The following FAM228B variants were observed in gnomAD, a reference collection of about 807,000 sequenced individuals.
FAM228B encodes the protein protein FAM228B.
FAM228B carries 38 observed loss-of-function variants against 42.6 expected under a neutral mutation model. The observed-to-expected ratio is 0.89, with a 90% CI of 0.69 to 1.17. FAM228B has a LOEUF of 1.17. Ranked by LOEUF, FAM228B falls within the 50% of genes most tolerant of loss-of-function variation. FAM228B has a pLI of 0.00. For missense variants in FAM228B, 344 were observed against 367.3 expected, an observed-to-expected ratio of 0.94 and a Z score of 0.52; for synonymous variants, 109 against 122.3, an observed-to-expected ratio of 0.89 and a Z score of 0.72.
upstream of FAM228B, chr2:24,121,245 T>C: frequency 6.2e-7 from 1 of 1,614,220 alleles, no homozygotes; most frequent in South Asian, 1.1e-5. Flanking sequence ...TCTTCGGGCT[T>C]GCAAAGGGTT....
chr2:24,158,848 AAGC>A (rs1667223066), intron 7 of FAM228B, among the ~76,000 whole-genome samples: 1 of 152,180 alleles, frequency 6.6e-6, no homozygotes, highest in South Asian at 2.1e-4. Context: ...TGCCATAACA[AAGC>A]ACTGCAAACT....
chr2:24,154,346 G>T (rs1187857337), intron 7 of FAM228B, among the ~76,000 whole-genome samples: 3 of 151,838 alleles, frequency 2.0e-5, no homozygotes, highest in Non-Finnish European at 2.9e-5. Flanking sequence ...ATGTTTTTTT[G>T]CCATCTGTCT....
intron 3 of FAM228B, among the ~76,000 whole-genome samples, chr2:24,109,171 C>CA (rs70944716): frequency 0.21 from 19,793 of 95,730 alleles, 1,777 homozygotes; most frequent in Non-Finnish European, 0.26. Context: ...AGAGTAATGG[C>CA]AAAAAAAAAA....
intron 8 of FAM228B, among the ~76,000 whole-genome samples, chr2:24,162,457 C>T (rs909256327): frequency 6.6e-6 from 1 of 152,188 alleles, no homozygotes; most frequent in Non-Finnish European, 1.5e-5. Flanking sequence ...CGTGCTGCCC[C>T]TCAGATATTG....
At chr2:24,160,773 C>T (rs1667267073) in intron 7 of FAM228B, among the ~76,000 whole-genome samples, 1 of 152,184 alleles carries the variant, frequency 6.6e-6, no homozygotes, top group Admixed American at 6.5e-5. Context: ...CCAATCAACC[C>T]TTGCATGGGT....
chr2:24,111,703 G>C (rs929745278), intron 3 of FAM228B, among the ~76,000 whole-genome samples: 1 of 152,080 alleles, frequency 6.6e-6, no homozygotes, highest in Non-Finnish European at 1.5e-5. Flanking sequence ...GGAATTTAAA[G>C]AGTAACCTGC....
chr2:24,118,590 G>A (rs1486059149), upstream of FAM228B, among the ~76,000 whole-genome samples: 2 of 152,166 alleles, frequency 1.3e-5, no homozygotes, highest in African/African-American at 4.8e-5. Context: ...AATCATAAAG[G>A]TATGCATAAA....
intron 3 of FAM228B, among the ~76,000 whole-genome samples, chr2:24,113,301 A>G (rs960747222): frequency 1.3e-5 from 2 of 152,192 alleles, no homozygotes; most frequent in African/African-American, 4.8e-5. Flanking sequence ...GGCCAGATGC[A>G]GTGTCTCGCT....
intron 10 of FAM228B, among the ~76,000 whole-genome samples, chr2:24,168,936 G>T (rs1370972908): frequency 2.0e-5 from 3 of 152,206 alleles, no homozygotes; most frequent in Admixed American, 2.0e-4. Context: ...TCTCAAGTGA[G>T]ATCATCAGCT....
intron 3 of FAM228B, among the ~76,000 whole-genome samples, chr2:24,137,513 G>A (rs886190431): frequency 6.6e-6 from 1 of 152,082 alleles, no homozygotes; most frequent in African/African-American, 2.4e-5. Flanking sequence ...GTTTCTTAGG[G>A]ATGGGTTTTC....
At chr2:24,123,195 G>A (rs1253112844), upstream of FAM228B, 1 of 152,394 alleles carries the variant, frequency 6.6e-6, no homozygotes, top group Non-Finnish European at 1.5e-5. Context: ...CGGGGCAGGG[G>A]GTGGTGAGCG....
chr2:24,126,663 C>T (rs556837439), intron 2 of FAM228B, among the ~76,000 whole-genome samples: 188 of 150,090 alleles, frequency 1.3e-3, no homozygotes, highest in Admixed American at 2.2e-3. Context: ...CAGACTGGAA[C>T]GCAGTGGCGT....
upstream of FAM228B, among the ~76,000 whole-genome samples, chr2:24,120,605 G>A (rs1310768123): frequency 6.6e-6 from 1 of 151,936 alleles, no homozygotes; most frequent in Non-Finnish European, 1.5e-5. Flanking sequence ...GCCCAAGCCG[G>A]AGTGCAATGG....
chr2:24,091,215 C>T (rs1665383339), intron 2 of FAM228B, among the ~76,000 whole-genome samples: 2 of 152,054 alleles, frequency 1.3e-5, no homozygotes, highest in Admixed American at 6.6e-5. Context: ...AGGCGGATGA[C>T]GAGGTCAGGA....
chr2:24,124,162 G>T, intron 1 of FAM228B, 168 bp from the exon 2 acceptor site: 2 of 467,544 alleles, frequency 4.3e-6, no homozygotes, highest in Non-Finnish European at 7.6e-6. Context: ...AAGGAGGCTG[G>T]CTCTGAAGCC....
rs375123436 is a variant in FAM228B, at chr2:24,105,618, G to A, written c.-121+10389G>A. On this transcript the variant is annotated intron_variant, in intron 3 of 10. Transcript: ENST00000613899. ...CAAGGGTTCTTAACTGGGCTGGAAT[G>A]ACTGAAATGACAGAAATAGAATTCA... 5.9e-5 allele frequency among the ~76,000 whole-genome samples: 9 copies of A among 152,286 alleles called. No individual in the cohort carries two copies. The East Asian group carries it at 1.5e-3, about 26-fold the overall frequency.
At chr2:24,152,436 T>A (rs936335673) in intron 7 of FAM228B, among the ~76,000 whole-genome samples, 7 of 152,344 alleles carry the variant, frequency 4.6e-5, no homozygotes, top group Admixed American at 2.6e-4. Context: ...AATGTAGTCT[T>A]TACATTCTGG....
intron 5 of FAM228B, among the ~76,000 whole-genome samples, chr2:24,140,081 C>T (rs906631483): frequency 4.6e-5 from 7 of 152,114 alleles, no homozygotes; most frequent in African/African-American, 1.7e-4. Flanking sequence ...ACCTTTGCTG[C>T]TACTGTGTGA....
chr2:24,161,057 A>G (rs1667273003), intron 7 of FAM228B, among the ~76,000 whole-genome samples: 1 of 152,236 alleles, frequency 6.6e-6, no homozygotes, highest in Non-Finnish European at 1.5e-5. Flanking sequence ...CCAAGAATGT[A>G]TACCAGTTGG....
Sources: allele counts gnomAD v4.1 joint callset (sites outside exome capture counted in the v4.1 genomes callset), GRCh38; gene constraint gnomAD v4.1.1; transcripts MANE v1.5; gene names NCBI Gene and HGNC (gene_info 2026-07-23, HGNC 2026-07-21).